The following TOX2 variants were observed in gnomAD, a reference collection of about 807,000 sequenced individuals.
TOX2 encodes the protein granulosa cell HMG box 1.
A neutral mutation model predicts 47.4 loss-of-function variants in TOX2; 15 were observed. That is an observed-to-expected ratio of 0.32 (90% CI 0.21 to 0.49). The LOEUF (loss-of-function observed/expected upper bound fraction) is 0.49. Ranked by LOEUF, TOX2 falls within the 20% of genes least tolerant of loss-of-function variation. TOX2 has a pLI of 0.99. For synonymous variants in TOX2, 290 were observed against 296.6 expected (o/e 0.98, Z 0.23); for missense variants, 622 against 673.1 (o/e 0.92, Z 0.84).
intron 5 of TOX2, among the ~76,000 whole-genome samples, chr20:44,062,747 A>T (rs6103592): frequency 2.0e-5 from 3 of 152,098 alleles, no homozygotes; most frequent in Non-Finnish European, 4.4e-5. Context: ...TTCAAACTAT[A>T]TGGCCATAGT....
intron 3 of TOX2, among the ~76,000 whole-genome samples, chr20:44,021,211 G>A (rs962309125): frequency 6.6e-6 from 1 of 152,120 alleles, no homozygotes; most frequent in Non-Finnish European, 1.5e-5. Context: ...ATGGGGGAGA[G>A]GGGTGTGCAT....
chr20:44,051,362 C>T lies in TOX2; in HGVS notation c.468C>T (p.Pro156=), dbSNP rs761472813. ...CCTATGACTCGGGCCGGCCCGGGCC[C>T]CTGCTGGGTCGCCCGGCAATGCTGG... ...VAAYDSGRPG[P]LLGRPAMLAS... The change falls in exon 4 of 9, where the codon CCC becomes CCT. Residue 156 remains proline, a synonymous_variant. Coordinates refer to ENST00000341197, the MANE Select transcript of TOX2 (RefSeq NM_001098797.2). The T allele has an allele frequency of 1.9e-5, 31 of 1,613,820 alleles. No homozygotes were observed. Among genetic ancestry groups the T allele is most frequent in the Non-Finnish European group, 2.6e-5 (31 of 1,179,920 alleles).
intron 1 of TOX2, among the ~76,000 whole-genome samples, chr20:43,931,452 AAATTTCTGCTC>A (rs2069251864): frequency 1.3e-5 from 2 of 152,192 alleles, no homozygotes; most frequent in African/African-American, 4.8e-5. Context: ...CACGTCTGTT[AAATTTCTGCTC>A]AAGCGCCACC....
intron 2 of TOX2, among the ~76,000 whole-genome samples, chr20:43,992,690 G>A (rs1454343573): frequency 2.0e-5 from 3 of 152,134 alleles, no homozygotes; most frequent in Non-Finnish European, 4.4e-5. Flanking sequence ...TAACATAAAT[G>A]TAAAGCCCTT....
At chr20:44,035,265 C>G (rs910105062) in intron 3 of TOX2, among the ~76,000 whole-genome samples, 4 of 152,260 alleles carry the variant, frequency 2.6e-5, no homozygotes, top group African/African-American at 9.6e-5. Context: ...TTCCCCTACT[C>G]TGGCTCTCAG....
chr20:43,953,023 A>T (rs1452596125), intron 1 of TOX2, among the ~76,000 whole-genome samples: 2 of 151,926 alleles, frequency 1.3e-5, no homozygotes, highest in African/African-American at 4.8e-5. Flanking sequence ...GGAGAAGGTG[A>T]TGTGAGGATG....
intron 7 of TOX2, 122 bp from the exon 8 acceptor site, chr20:44,066,608 T>C: frequency 6.8e-7 from 1 of 1,466,898 alleles, no homozygotes; most frequent in Non-Finnish European, 9.5e-7. Flanking sequence ...GCAGCAGCCC[T>C]GGAGGCAGCA....
intron 1 of TOX2, among the ~76,000 whole-genome samples, chr20:43,958,335 G>A (rs2069700973): frequency 6.6e-6 from 1 of 152,174 alleles, no homozygotes; most frequent in Admixed American, 6.5e-5. Context: ...TTTAGTGGAT[G>A]TTGATTTTCT....
chr20:44,065,786 C>T lies in TOX2; in HGVS notation c.1035C>T (p.Pro345=), dbSNP rs2071804130. The change falls in exon 7 of 9, where the codon CCC becomes CCT. Residue 345 remains proline (P), a synonymous_variant. Coordinates refer to ENST00000341197, the MANE Select transcript of TOX2 (RefSeq NM_001098797.2). ...CCAAAATGCTCCCACCCAAGCAGCC[C>T]ATGTATGCCATGCCAGGCCTGGCCT... ...PPAKMLPPKQ[P]MYAMPGLASF... 6.2e-7 allele frequency: 1 copy of T among 1,613,108 alleles called. No homozygotes were observed. Among genetic ancestry groups the T allele is most frequent in the Non-Finnish European group, 8.5e-7 (1 of 1,179,204 alleles).
chr20:43,966,389 G>A (rs1407551499), intron 1 of TOX2, among the ~76,000 whole-genome samples: 1 of 152,148 alleles, frequency 6.6e-6, no homozygotes, highest in Non-Finnish European at 1.5e-5. Context: ...AATAAAGAAG[G>A]GCCTAGGAAG....
At chr20:43,926,376 G>A (rs956064246) in intron 1 of TOX2, among the ~76,000 whole-genome samples, 9 of 152,164 alleles carry the variant, frequency 5.9e-5, no homozygotes, top group African/African-American at 1.7e-4. Flanking sequence ...TGATGGAAGT[G>A]CCTGGGTTCG....
intron 3 of TOX2, among the ~76,000 whole-genome samples, chr20:44,014,397 T>C (rs544165248): frequency 1.3e-5 from 2 of 152,166 alleles, no homozygotes; most frequent in East Asian, 3.9e-4. Context: ...TATGAGGGTG[T>C]GCACGCAGAG....
intron 2 of TOX2, among the ~76,000 whole-genome samples, chr20:43,999,029 G>A (rs948675015): frequency 4.6e-5 from 7 of 152,106 alleles, no homozygotes; most frequent in Non-Finnish European, 8.8e-5. Flanking sequence ...CAAAGTTCTC[G>A]GATTACAGGC....
At position 44,068,654 on chromosome 20, in the gene TOX2, C is replaced by A. The variant is rs753025122; in HGVS notation, c.1489C>A (p.Leu497Ile). The change falls in exon 9 of 9, where the codon CTC (leucine) becomes ATC (isoleucine). Residue 497 changes from leucine to isoleucine, a missense_variant. By Grantham distance (5) the Leu-to-Ile change is conservative. Around this residue, in one of 3 missense-constraint regions of TOX2, gnomAD observed 294 missense variants for 300.0 expected, o/e 0.98. Transcript: ENST00000341197. ...AGCCCCTCCTCTCTCTCACAGCCTG[C>A]TCCCCAGGGACAAATCGCTCTACCT... ...GECGISTCSL[L>I]PRDKSLYLT 2 of 1,612,536 alleles carry A rather than the reference C, an allele frequency of 1.2e-6. No homozygotes were observed. Among genetic ancestry groups the A allele is most frequent in the South Asian group, 2.2e-5 (2 of 91,032 alleles).
chr20:44,036,644 C>T lies in TOX2; in HGVS notation c.412-14662C>T, dbSNP rs143852773. Among the ~76,000 whole-genome samples, 235 of 152,352 alleles carry T rather than the reference C, an allele frequency of 1.5e-3. 4 individuals carry two copies. The highest frequency in any genetic ancestry group is 5.5e-3 in the African/African-American group (230 of 41,586). On this transcript the variant is annotated intron_variant, in intron 3 of 8. Coordinates refer to ENST00000341197, the MANE Select transcript of TOX2 (RefSeq NM_001098797.2). The stretch of plus-strand genomic sequence containing the variant: ...GGCCCTGGGCCAAAGGCCCTCTGCC[C>T]ATTTTTGTAAATAAGGTTTTATTGG...
At chr20:43,943,872 A>G (rs1392151982) in intron 1 of TOX2, among the ~76,000 whole-genome samples, 2 of 132,382 alleles carry the variant, frequency 1.5e-5, no homozygotes, top group East Asian at 2.3e-4. Flanking sequence ...GATTTATCCA[A>G]TCCTCTATCG....
chr20:43,973,543 C>G (rs2070016596), intron 2 of TOX2, 111 bp downstream of exon 2: 1 of 844,818 alleles, frequency 1.2e-6, no homozygotes, highest in African/African-American at 1.7e-5. Flanking sequence ...CAGCCCGCTG[C>G]TGTCTTCTCT....
chr20:43,962,635 C>T (rs1343076277), intron 1 of TOX2, among the ~76,000 whole-genome samples: 1 of 152,206 alleles, frequency 6.6e-6, no homozygotes. Flanking sequence ...GCCTCGTTAC[C>T]AGACTCTTGC....
intron 1 of TOX2, among the ~76,000 whole-genome samples, chr20:43,960,121 T>C (rs1157819353): frequency 1.3e-5 from 2 of 152,212 alleles, no homozygotes; most frequent in African/African-American, 4.8e-5. Flanking sequence ...TAGGAACGGA[T>C]GTTTGTCATT....
Sources: gnomAD v4.1 joint callset for allele counts (sites outside exome capture counted in the v4.1 genomes callset) on GRCh38, gnomAD v4.1.1 for gene constraint, gnomAD v4.1.1 regional missense constraint, MANE v1.5 for transcripts, NCBI Gene and HGNC (gene_info 2026-07-23, HGNC 2026-07-21) for gene names.